HDAC4: variants seen among roughly 807,000 people sequenced by gnomAD.
HDAC4 encodes the protein histone deacetylase A.
In HDAC4, 16 loss-of-function variants were observed where a neutral mutation model predicts 135.1. That is an observed-to-expected ratio of 0.12 (90% CI 0.08 to 0.18). HDAC4 has a LOEUF of 0.18. Among genes scored for constraint, HDAC4 ranks in the 10% least tolerant of loss-of-function variants. The pLI, the probability that HDAC4 is intolerant of heterozygous loss-of-function variation, is 1.00. For synonymous variants in HDAC4, 685 were observed against 653.4 expected, an observed-to-expected ratio of 1.05 and a Z score of -0.74; for missense variants, 1,143 against 1,511.8, an observed-to-expected ratio of 0.76 and a Z score of 4.05.
chr2:239,065,672 C>T (rs1345752119), intron 24 of HDAC4, among the ~76,000 whole-genome samples: 1 of 152,214 alleles, frequency 6.6e-6, no homozygotes, highest in Non-Finnish European at 1.5e-5. Context: ...CACCCTGCCC[C>T]CTGGCAAGGC....
intron 1 of HDAC4, among the ~76,000 whole-genome samples, chr2:239,353,885 C>A (rs1693319680): frequency 6.6e-6 from 1 of 152,256 alleles, no homozygotes; most frequent in Non-Finnish European, 1.5e-5. Flanking sequence ...TTCGTAGTCA[C>A]AATGTCTGTG....
At chr2:239,330,441 G>T (rs1559367574) in intron 2 of HDAC4, among the ~76,000 whole-genome samples, 1 of 152,266 alleles carries the variant, frequency 6.6e-6, no homozygotes, top group Non-Finnish European at 1.5e-5. Context: ...GAGGGCGACA[G>T]GAAGGAGTGT....
chr2:239,296,621 T>C (rs1319522859), intron 2 of HDAC4, among the ~76,000 whole-genome samples: 1 of 152,146 alleles, frequency 6.6e-6, no homozygotes, highest in African/African-American at 2.4e-5. Context: ...TATCTAATCA[T>C]TTCTGGATCT....
At chr2:239,263,095 C>G (rs1487888968) in intron 2 of HDAC4, among the ~76,000 whole-genome samples, 4 of 152,198 alleles carry the variant, frequency 2.6e-5, no homozygotes, top group African/African-American at 9.6e-5. Flanking sequence ...GGCGGTGACA[C>G]AGGCACATAC....
In HDAC4 at chr2:239,053,597, C is replaced by G; in HGVS notation, c.3093G>C (p.Lys1031Asn). 1 of 1,613,694 alleles carries G rather than the reference C, an allele frequency of 6.2e-7. No homozygotes were observed. Among genetic ancestry groups the G allele is most frequent in the Non-Finnish European group, 8.5e-7 (1 of 1,179,960 alleles). ...TTGTGCGCTGCAGGCAGCGCCAGTA[C>G]TTGCCTGGGGTGGTGGGGTGAGGAA... ...SMEKVMEIHS[K>N]YWRCLQRTTS... The change falls in exon 26 of 27, where the codon AAG becomes AAC. Residue 1031 changes from lysine (K) to asparagine (N), a missense_variant. Physicochemically the swap from Lys to Asn is moderately conservative, Grantham distance 94. This residue lies in a region of HDAC4 where 131 missense variants were observed against 130.6 expected (regional missense o/e 1.00). Coordinates refer to ENST00000543185, the MANE Select transcript of HDAC4 (RefSeq NM_001378414.1).
chr2:239,094,661 T>C (rs1422586648), intron 17 of HDAC4: 9 of 1,181,414 alleles, frequency 7.6e-6, no homozygotes, highest in South Asian at 1.7e-5. Context: ...GAAGCACGCA[T>C]CCTACCCGCA....
intron 25 of HDAC4, among the ~76,000 whole-genome samples, chr2:239,054,058 C>T (rs768640174): frequency 2.3e-4 from 35 of 151,822 alleles, no homozygotes; most frequent in Admixed American, 4.6e-4. Context: ...CTGCGTCAGG[C>T]GCAAGGGGGT....
intron 1 of HDAC4, among the ~76,000 whole-genome samples, chr2:239,370,513 CCT>C (rs1455361556): frequency 1.3e-5 from 2 of 152,352 alleles, no homozygotes; most frequent in East Asian, 3.9e-4. Context: ...GCAGCGCCCC[CCT>C]GAATCCAGGC....
At chr2:239,354,701 C>A (rs1356472630) in intron 1 of HDAC4, among the ~76,000 whole-genome samples, 1 of 150,436 alleles carries the variant, frequency 6.6e-6, no homozygotes, top group Non-Finnish European at 1.5e-5. Flanking sequence ...ATTGTATCTA[C>A]AACTCTGATT....
At chr2:239,354,163 G>A (rs779017962) in intron 1 of HDAC4, among the ~76,000 whole-genome samples, 6 of 152,152 alleles carry the variant, frequency 3.9e-5, no homozygotes, top group Non-Finnish European at 7.4e-5. Flanking sequence ...TAGTGATACA[G>A]CTGTCTATCA....
intron 3 of HDAC4, among the ~76,000 whole-genome samples, chr2:239,219,587 G>A (rs1159540772): frequency 6.6e-6 from 1 of 151,816 alleles, no homozygotes; most frequent in African/African-American, 2.4e-5. Context: ...CCTGCACATT[G>A]TGCACATGTA....
At chr2:239,170,225 T>C (rs1416452861) in intron 5 of HDAC4, among the ~76,000 whole-genome samples, 1 of 152,162 alleles carries the variant, frequency 6.6e-6, no homozygotes, top group African/African-American at 2.4e-5. Context: ...AAATAGCAAA[T>C]ATTTATAAAA....
At position 239,307,705 on chromosome 2, in the gene HDAC4, G is replaced by T. The variant is rs781198869; in HGVS notation, c.22+44973C>A. On this transcript the variant is annotated intron_variant, in intron 2 of 26. Transcript: ENST00000543185. This position sits in a 1 kb window ranked among gnomAD's most constrained non-coding sequence, Gnocchi z 4.8. The stretch of plus-strand genomic sequence containing the variant: ...GATGACGTTCTCATGACCGCACTTG[G>T]TCTAAGCAAATGCTGCTGGGATGAT... 3.8e-4 allele frequency among the ~76,000 whole-genome samples: 58 copies of T among 152,284 alleles called. 1 individual carries two copies. The highest frequency in any genetic ancestry group is 4.0e-4 in the Non-Finnish European group (27 of 68,030).
At chr2:239,216,208 A>ACACATAGATATTCACACATACT (rs1322604075) in intron 3 of HDAC4, among the ~76,000 whole-genome samples, 1 of 152,124 alleles carries the variant, frequency 6.6e-6, no homozygotes, top group Non-Finnish European at 1.5e-5. Flanking sequence ...ATACACACAC[A>ACACATAGATATTCACACATACT]CACATAGATA....
At chr2:239,333,997 A>G (rs1691755715) in intron 2 of HDAC4, among the ~76,000 whole-genome samples, 1 of 152,244 alleles carries the variant, frequency 6.6e-6, no homozygotes, top group Non-Finnish European at 1.5e-5. Context: ...CAAGAAAGAC[A>G]TAAAAGTTTT....
intron 12 of HDAC4, among the ~76,000 whole-genome samples, chr2:239,117,205 C>A (rs1053143278): frequency 6.6e-6 from 1 of 152,184 alleles, no homozygotes; most frequent in South Asian, 2.1e-4. Flanking sequence ...AGAACAGGAA[C>A]ACAGGGTGCC....
intron 2 of HDAC4, among the ~76,000 whole-genome samples, chr2:239,248,676 G>A (rs571956733): frequency 1.3e-5 from 2 of 152,314 alleles, no homozygotes; most frequent in Admixed American, 6.5e-5. Flanking sequence ...TTCATTCACA[G>A]AAGTAGTACT....
intron 3 of HDAC4, among the ~76,000 whole-genome samples, chr2:239,206,971 T>C (rs2046083582): frequency 6.6e-6 from 1 of 152,190 alleles, no homozygotes; most frequent in Non-Finnish European, 1.5e-5. Context: ...GACTGGGGTC[T>C]GATTCTGAAA....
chr2:239,083,957 C>T (rs534578525), intron 20 of HDAC4, among the ~76,000 whole-genome samples, 198 bp downstream of exon 20: 5 of 152,374 alleles, frequency 3.3e-5, no homozygotes, highest in Non-Finnish European at 4.4e-5. Flanking sequence ...GGACCCCATT[C>T]GCCAGGGTCG....
Sources: allele counts gnomAD v4.1 joint callset (sites outside exome capture counted in the v4.1 genomes callset), GRCh38; gene constraint gnomAD v4.1.1; regional missense constraint gnomAD v4.1.1; non-coding constraint Gnocchi (gnomAD v3.1); transcripts MANE v1.5; gene names NCBI Gene and HGNC (gene_info 2026-07-23, HGNC 2026-07-21).